The following DCLK3 variants were observed in gnomAD, a reference collection of about 807,000 sequenced individuals.
DCLK3 encodes doublecortin like kinase 3, also known as serine/threonine-protein kinase DCLK3.
DCLK3 carries 30 observed loss-of-function variants against 46.4 expected under a neutral mutation model. That is an observed-to-expected ratio of 0.65 (90% confidence interval 0.48 to 0.88). DCLK3 has a LOEUF of 0.88. Ranked by LOEUF, DCLK3 falls within the 40% of genes least tolerant of loss-of-function variation. DCLK3 has a pLI of 0.00. For missense variants in DCLK3, 846 were observed against 907.1 expected (o/e 0.93, Z 0.87); for synonymous variants, 401 against 339.2 (o/e 1.18, Z -2.00).
intron 1 of DCLK3, among the ~76,000 whole-genome samples, chr3:36,763,242 A>C (rs1276851735): frequency 6.6e-6 from 1 of 152,242 alleles, no homozygotes; most frequent in African/African-American, 2.4e-5. Flanking sequence ...AATGGAATCA[A>C]CTAGGAGGGG....
In DCLK3 at chr3:36,755,192, C is replaced by G. The variant is rs375035322; in HGVS notation, c.82+8990G>C. 3.8e-4 allele frequency among the ~76,000 whole-genome samples: 58 copies of G among 152,200 alleles called. 1 individual carries two copies. The East Asian group carries it at 0.01, about 26-fold the overall frequency. On this transcript the variant is annotated intron_variant, in intron 1 of 4. Transcript: ENST00000636136. ...GACTGTCCATTCCAGAATGTAAAAG[C>G]CTAATAGACATATCAGTTCTTCCCA...
chr3:36,735,164 C>T (rs1232708749), intron 2 of DCLK3, among the ~76,000 whole-genome samples: 1 of 152,214 alleles, frequency 6.6e-6, no homozygotes, highest in Non-Finnish European at 1.5e-5. Context: ...CCTGCTTAGA[C>T]AATTCGGTGA....
chr3:36,751,923 C>G (rs1265264130), intron 1 of DCLK3, among the ~76,000 whole-genome samples: 5 of 152,194 alleles, frequency 3.3e-5, no homozygotes, highest in African/African-American at 4.8e-5. Flanking sequence ...TCCAAGCATG[C>G]AGTCAGGATT....
chr3:36,738,434 G>A lies in DCLK3; in HGVS notation c.733C>T (p.Gln245Ter). 6.8e-7 allele frequency: 1 copy of A among 1,475,894 alleles called. No individual in the cohort carries two copies. The highest frequency in any genetic ancestry group is 9.0e-7 in the Non-Finnish European group (1 of 1,114,366). The allele number at this position is 1,475,894 out of a possible 1,614,324, so 91.4% of individuals were successfully genotyped here. Residue 245 changes from glutamine to a stop codon, truncating the protein, a stop_gained, in exon 2 of 5, where the codon CAG becomes TAG. Coordinates refer to ENST00000636136, the MANE Select transcript of DCLK3 (RefSeq NM_001394672.2). LOFTEE classifies it high-confidence loss of function. Reference protein sequence around the residue: ...VAGCKAAMRHQGKIPEELSLD... With the variant: ...VAGCKAAMRH ...GAAAGCTCCTCGGGGATCTTCCCCT[G>A]GTGCCTCATGGCTGCCTTGCATCCT... is the stretch of plus-strand genomic sequence containing the variant.
intron 2 of DCLK3, among the ~76,000 whole-genome samples, chr3:36,735,970 A>C (rs772697896): frequency 7.2e-5 from 11 of 152,234 alleles, no homozygotes; most frequent in Non-Finnish European, 1.2e-4. Flanking sequence ...AGAAAGGCAA[A>C]TATAGACTCT....
chr3:36,753,934 C>T lies in DCLK3; in HGVS notation c.82+10248G>A, dbSNP rs537555681. ...GCTCAAGTGACCTCTCGCGCCTCGGCCTCCCAAATTGCTGGGATTATAGGT... is the reference window on the plus strand; with the variant it reads ...GCTCAAGTGACCTCTCGCGCCTCGGTCTCCCAAATTGCTGGGATTATAGGT... On this transcript the variant is annotated intron_variant, in intron 1 of 4. Coordinates refer to ENST00000636136, the MANE Select transcript of DCLK3 (RefSeq NM_001394672.2). 4.9e-4 allele frequency among the ~76,000 whole-genome samples: 74 copies of T among 152,286 alleles called. No individual in the cohort carries two copies. In the South Asian group the frequency reaches 0.011, roughly 22 times the overall value.
chr3:36,715,282 T>C lies in DCLK3; in HGVS notation c.*46A>G, dbSNP rs1284377073. ...TCTCTCAAACTTCTATCCTTTTCTC[T>C]GTCCTTGAGCAGAACTGGGGGCTGG... On this transcript the variant is annotated 3_prime_UTR_variant, in exon 5 of 5. Coordinates refer to ENST00000636136, the MANE Select transcript of DCLK3 (RefSeq NM_001394672.2). 3 of 1,595,960 alleles carry C rather than the reference T, an allele frequency of 1.9e-6. No homozygotes were observed. The highest frequency in any genetic ancestry group is 2.3e-5 in the East Asian group (1 of 44,408).
Position 36,737,202 on chromosome 3 carries a change from G to T in DCLK3, c.1959+6C>A, listed in dbSNP as rs975303042. 1.9e-6 allele frequency: 3 copies of T among 1,610,576 alleles called. No homozygotes were observed. The African/African-American group carries it at 4.0e-5, about 22-fold the overall frequency. Reference sequence around the variant, plus strand: ...CTCTCCCATATCATCAAAAGTCAAGGCTTACCAAAAGGTTTTCCGGCTTGA... The same window carrying T: ...CTCTCCCATATCATCAAAAGTCAAGTCTTACCAAAAGGTTTTCCGGCTTGA... On this transcript the variant is annotated splice_donor_region_variant and intron_variant, in intron 2 of 4. Transcript: ENST00000636136. This position sits in a 1 kb window ranked among gnomAD's most constrained non-coding sequence, Gnocchi z 4.4.
intron 1 of DCLK3, among the ~76,000 whole-genome samples, chr3:36,762,252 A>G (rs1559396290): frequency 6.6e-6 from 1 of 152,206 alleles, no homozygotes; most frequent in East Asian, 1.9e-4. Flanking sequence ...TGGGCTACCT[A>G]TTACCGATGT....
At chr3:36,717,308 C>A (rs1484128210) in intron 4 of DCLK3, among the ~76,000 whole-genome samples, 1 of 152,118 alleles carries the variant, frequency 6.6e-6, no homozygotes, top group East Asian at 1.9e-4. Context: ...GCCAGTTGCC[C>A]AGGCTGGTCT....
At chr3:36,752,471 T>C (rs749418794) in intron 1 of DCLK3, among the ~76,000 whole-genome samples, 1 of 152,254 alleles carries the variant, frequency 6.6e-6, no homozygotes. Context: ...GAAAGGTCTT[T>C]ATATTTTACA....
At position 36,722,449 on chromosome 3, in the gene DCLK3, T is replaced by C. The variant is rs149482094; in HGVS notation, c.1960-790A>G. On this transcript the variant is annotated intron_variant, in intron 2 of 4. Coordinates refer to ENST00000636136, the MANE Select transcript of DCLK3 (RefSeq NM_001394672.2). ...CCCATTCTCCATGATGTAATGATTA[T>C]GCATTGCATGCCTGTATCAAAACAT... is the stretch of plus-strand genomic sequence containing the variant. Among the ~76,000 whole-genome samples, 90 of 152,346 alleles carry C rather than the reference T, an allele frequency of 5.9e-4. No homozygotes were observed. The East Asian group carries it at 0.015, about 25-fold the overall frequency.
At chr3:36,731,451 G>GCACACACA (rs55823722) in intron 2 of DCLK3, among the ~76,000 whole-genome samples, 13 of 148,670 alleles carry the variant, frequency 8.7e-5, no homozygotes, top group African/African-American at 2.5e-4. Flanking sequence ...CTTCGTGCGT[G>GCACACACA]CACACACACA....
At chr3:36,759,265 G>C (rs1507868) in intron 1 of DCLK3, among the ~76,000 whole-genome samples, 106,691 of 152,000 alleles carry the variant, frequency 0.7, 37,927 homozygotes, top group African/African-American at 0.82. Flanking sequence ...CATCCCAGCC[G>C]CCATCCCCTA....
chr3:36,746,486 C>T (rs947509039), intron 1 of DCLK3, among the ~76,000 whole-genome samples: 21 of 152,312 alleles, frequency 1.4e-4, no homozygotes, highest in African/African-American at 5.1e-4. Flanking sequence ...TCCCTCATCC[C>T]TCAGTTTTCC....
chr3:36,721,717 A>C (rs538507125), intron 2 of DCLK3, 58 bp from the exon 3 acceptor site: 16 of 1,607,012 alleles, frequency 1.0e-5, no homozygotes, highest in African/African-American at 1.3e-5. Flanking sequence ...AAGAAGGGAT[A>C]CTAATGAAAC....
chr3:36,719,288 C>T (rs1401072926), intron 3 of DCLK3, among the ~76,000 whole-genome samples: 4 of 152,172 alleles, frequency 2.6e-5, no homozygotes, highest in Non-Finnish European at 5.9e-5. Flanking sequence ...TTCTAACTAA[C>T]TTTTTACAGT....
At chr3:36,735,327 T>C (rs1701247711) in intron 2 of DCLK3, among the ~76,000 whole-genome samples, 1 of 152,162 alleles carries the variant, frequency 6.6e-6, no homozygotes, top group South Asian at 2.1e-4. Context: ...GAAAAAGACA[T>C]CCAGCTAATG....
At chr3:36,758,365 G>A (rs540248070) in intron 1 of DCLK3, among the ~76,000 whole-genome samples, 12 of 152,052 alleles carry the variant, frequency 7.9e-5, no homozygotes, top group Non-Finnish European at 1.5e-4. Flanking sequence ...TGAATATCCC[G>A]GAAAATTCAT....
Sources: allele counts gnomAD v4.1 joint callset (sites outside exome capture counted in the v4.1 genomes callset), GRCh38; gene constraint gnomAD v4.1.1; non-coding constraint Gnocchi (gnomAD v3.1); transcripts MANE v1.5; gene names NCBI Gene and HGNC (gene_info 2026-07-23, HGNC 2026-07-21).